Variants in GABARAPL1 observed in about 807,000 individuals in gnomAD.
GABARAPL1 encodes the protein GABA type A receptor associated protein like 1, also known as gamma-aminobutyric acid receptor-associated protein-like 1.
A neutral mutation model predicts 14.5 loss-of-function variants in GABARAPL1; 4 were observed. The ratio of observed to expected loss-of-function variants is 0.28; its 90% confidence interval spans 0.14 to 0.63. GABARAPL1 has a LOEUF of 0.63. Ranked by LOEUF, GABARAPL1 falls within the 30% of genes least tolerant of loss-of-function variation. The probability of loss-of-function intolerance (pLI) is 0.84; values close to 1 mark genes in which losing one functional copy is unlikely to be tolerated. For synonymous variants in GABARAPL1, 47 were observed against 50.6 expected (o/e 0.93, Z 0.30); for missense variants, 82 against 139.2 (o/e 0.59, Z 2.07).
At chr12:10,217,297 ATCTTTACAGT>A (rs1313133643) in intron 1 of GABARAPL1, among the ~76,000 whole-genome samples, 1 of 152,224 alleles carries the variant, frequency 6.6e-6, no homozygotes, top group Non-Finnish European at 1.5e-5. Context: ...TGTTTGAACA[ATCTTTACAGT>A]TCTTGGAAAT....
At chr12:10,214,138 T>G (rs1197504135) in intron 1 of GABARAPL1, 5 of 236,946 alleles carry the variant, frequency 2.1e-5, no homozygotes, top group Non-Finnish European at 3.5e-5. Context: ...AGCTGTTGGA[T>G]TTTGGAAATG....
intron 1 of GABARAPL1, among the ~76,000 whole-genome samples, chr12:10,215,598 C>T (rs1190659242): frequency 6.6e-6 from 1 of 151,960 alleles, no homozygotes; most frequent in Non-Finnish European, 1.5e-5. Context: ...ATTACCCCTC[C>T]CCCTTCTCTT....
intron 3 of GABARAPL1, chr12:10,220,893 C>G: frequency 6.5e-6 from 9 of 1,394,462 alleles, no homozygotes; most frequent in Non-Finnish European, 8.4e-6. Flanking sequence ...GCAGTTCCTG[C>G]TATTCTGGTT....
intron 3 of GABARAPL1, 97 bp downstream of exon 3, chr12:10,220,655 G>A (rs1264887103): frequency 6.3e-7 from 1 of 1,581,044 alleles, no homozygotes. Context: ...TCTGAGAAGT[G>A]GGGCAGAAGG....
At chr12:10,215,704 G>T (rs1949084193) in intron 1 of GABARAPL1, among the ~76,000 whole-genome samples, 1 of 151,808 alleles carries the variant, frequency 6.6e-6, no homozygotes, top group Non-Finnish European at 1.5e-5. Context: ...TTACTGCTAG[G>T]TGTCCGAGTT....
chr12:10,220,603 C>T, intron 3 of GABARAPL1, 45 bp downstream of exon 3: 1 of 1,613,346 alleles, frequency 6.2e-7, no homozygotes, highest in Non-Finnish European at 8.5e-7. Context: ...CCAGTGCAGT[C>T]TGGCATCCTC....
intron 3 of GABARAPL1, 71 bp downstream of exon 3, chr12:10,220,629 A>G: frequency 6.2e-7 from 1 of 1,606,892 alleles, no homozygotes; most frequent in South Asian, 1.1e-5. Flanking sequence ...CTTGTTCTAG[A>G]TGCGTTGATA....
At chr12:10,215,568 G>T (rs1407959749) in intron 1 of GABARAPL1, among the ~76,000 whole-genome samples, 1 of 152,032 alleles carries the variant, frequency 6.6e-6, no homozygotes, top group Non-Finnish European at 1.5e-5. Flanking sequence ...CCTTGGTACT[G>T]GGAAACCAAT....
intron 2 of GABARAPL1, among the ~76,000 whole-genome samples, chr12:10,219,336 A>AAC (rs1555095571): frequency 6.8e-6 from 1 of 147,574 alleles, no homozygotes; most frequent in East Asian, 2.7e-4. Flanking sequence ...CAAAAAACAA[A>AAC]AAAAAAAAAC....
In GABARAPL1 at chr12:10,213,041, C is replaced by T; in HGVS notation, c.-89C>T. 1 of 794,934 alleles carries T rather than the reference C, an allele frequency of 1.3e-6. No homozygotes were observed. The highest frequency in any genetic ancestry group is 2.2e-6 in the Non-Finnish European group (1 of 462,492). 49.2% of individuals were successfully genotyped at this position (794,934 alleles called of 1,614,324 possible). A position where few individuals can be genotyped will look rare whatever the true frequency, so the allele number is the denominator to read the frequency against. On this transcript the variant is annotated 5_prime_UTR_variant, in exon 1 of 4. Transcript: ENST00000266458. ...GACGTTTCTGCAGCTATTCTGAGCA[C>T]ACCTTGACGTCGGCTGAGGGAGCGG...
At chr12:10,214,245 T>C (rs1006847440) in intron 1 of GABARAPL1, 2 of 171,492 alleles carry the variant, frequency 1.2e-5, no homozygotes, top group African/African-American at 4.8e-5. Context: ...TTATCTGATG[T>C]CTTTTCTTGA....
At chr12:10,214,823 AGTT>A (rs1949079032) in intron 1 of GABARAPL1, 1 of 152,200 alleles carries the variant, frequency 6.6e-6, no homozygotes, top group African/African-American at 2.4e-5. Context: ...TTTCTAATAT[AGTT>A]GTATTAACCA....
chr12:10,213,351 A>C, intron 1 of GABARAPL1, 132 bp downstream of exon 1: 1 of 709,224 alleles, frequency 1.4e-6, no homozygotes, highest in Non-Finnish European at 2.6e-6. Context: ...TTAATCCTGA[A>C]CGCCCTTCAG....
At chr12:10,216,361 C>T (rs1949088502) in intron 1 of GABARAPL1, among the ~76,000 whole-genome samples, 1 of 151,528 alleles carries the variant, frequency 6.6e-6, no homozygotes, top group African/African-American at 2.4e-5. Flanking sequence ...ACACATGTGA[C>T]ACTCGACCTC....
intron 2 of GABARAPL1, among the ~76,000 whole-genome samples, chr12:10,219,445 AT>A (rs1294471702): frequency 1.3e-5 from 2 of 152,176 alleles, no homozygotes; most frequent in Non-Finnish European, 2.9e-5. Context: ...TCCTGATTAA[AT>A]ACATCTTCTT....
chr12:10,212,984 A>G lies in GABARAPL1; in HGVS notation c.-146A>G. 1 of 502,966 alleles carries G rather than the reference A, an allele frequency of 2.0e-6. No individual in the cohort carries two copies. The allele number at this position is 502,966 out of a possible 1,614,324, so 31.2% of individuals were successfully genotyped here. On this transcript the variant is annotated 5_prime_UTR_variant, in exon 1 of 4. Transcript: ENST00000266458. Reference sequence around the variant, plus strand: ...GATCCCCGCCCCGAACCCCCCCTGCACACTCGGCCCAGCGCTGTTGCCCCC... The same window carrying G: ...GATCCCCGCCCCGAACCCCCCCTGCGCACTCGGCCCAGCGCTGTTGCCCCC...
At chr12:10,218,010 A>C (rs994846846) in intron 1 of GABARAPL1, 53 bp from the exon 2 acceptor site, 39 of 1,095,756 alleles carry the variant, frequency 3.6e-5, no homozygotes, top group Non-Finnish European at 8.5e-6. Context: ...AGAAGGAAAA[A>C]TACTAGATTG....
intron 2 of GABARAPL1, among the ~76,000 whole-genome samples, chr12:10,220,048 T>C (rs1018831866): frequency 1.3e-5 from 2 of 152,190 alleles, no homozygotes; most frequent in African/African-American, 4.8e-5. Flanking sequence ...TTTCCATTGC[T>C]AAGTTTTTCT....
chr12:10,216,205 A>G (rs981169974), intron 1 of GABARAPL1, among the ~76,000 whole-genome samples: 1 of 151,852 alleles, frequency 6.6e-6, no homozygotes, highest in African/African-American at 2.4e-5. Flanking sequence ...CCCCATCTCT[A>G]CTAAAAAATA....
Sources: gnomAD v4.1 joint callset for allele counts (sites outside exome capture counted in the v4.1 genomes callset) on GRCh38, gnomAD v4.1.1 for gene constraint, MANE v1.5 for transcripts, NCBI Gene and HGNC (gene_info 2026-07-23, HGNC 2026-07-21) for gene names.